GNG7: variants seen among roughly 807,000 people sequenced by gnomAD.
GNG7 encodes the protein G protein subunit gamma 7.
In GNG7, 1 loss-of-function variant was observed where a neutral mutation model predicts 4.0. That is an observed-to-expected ratio of 0.25 (90% CI 0.09 to 1.18). The LOEUF (loss-of-function observed/expected upper bound fraction) is 1.18, where lower values mean the gene tolerates loss of function less well. GNG7 is among the 50% of genes most tolerant of loss of function. GNG7 has a pLI of 0.50. For missense variants in GNG7, 86 were observed against 91.9 expected (o/e 0.94, Z 0.26); for synonymous variants, 34 against 36.9 (o/e 0.92, Z 0.29).
chr19:2,548,633 A>G (rs889296162), intron 3 of GNG7, among the ~76,000 whole-genome samples: 5 of 151,490 alleles, frequency 3.3e-5, no homozygotes, highest in Admixed American at 3.3e-4. Context: ...TACTAAAAAT[A>G]CAAAAATTAG....
chr19:2,528,208 T>C (rs891884775), intron 3 of GNG7, among the ~76,000 whole-genome samples: 5 of 140,402 alleles, frequency 3.6e-5, no homozygotes, highest in African/African-American at 1.4e-4. Context: ...GAGGTGGAGG[T>C]TGCAGTGAGC....
intron 1 of GNG7, among the ~76,000 whole-genome samples, chr19:2,667,430 A>T (rs1983338219): frequency 6.6e-6 from 1 of 152,196 alleles, no homozygotes; most frequent in Non-Finnish European, 1.5e-5. Flanking sequence ...CTGTGCGTGA[A>T]TACCTCACCT....
intron 2 of GNG7, among the ~76,000 whole-genome samples, chr19:2,581,789 T>G (rs1347698146): frequency 1.3e-5 from 2 of 152,192 alleles, no homozygotes; most frequent in Non-Finnish European, 2.9e-5. Flanking sequence ...GGCACAACTT[T>G]GTGGAATAAA....
At chr19:2,558,743 T>C (rs57269591) in intron 2 of GNG7, among the ~76,000 whole-genome samples, 70,134 of 151,568 alleles carry the variant, frequency 0.46, 16,402 homozygotes, top group African/African-American at 0.48. Flanking sequence ...CTTTCTTCCT[T>C]CCTTTCCTTC....
At chr19:2,547,565 C>T (rs1290232864) in intron 3 of GNG7, among the ~76,000 whole-genome samples, 1 of 152,186 alleles carries the variant, frequency 6.6e-6, no homozygotes, top group East Asian at 1.9e-4. Flanking sequence ...TGGTCCTTCA[C>T]TCAATCCCAC....
At chr19:2,657,345 AAAAAAAAAAAAAAAAAATAT>A (rs1380673222) in intron 1 of GNG7, among the ~76,000 whole-genome samples, 2,156 of 18,222 alleles carry the variant, frequency 0.12, 203 homozygotes, top group South Asian at 0.3. Context: ...ATTAAAAAAA[AAAAAAAAAAAAAAAAAATAT>A]ATATATATAT....
chr19:2,544,958 G>A (rs73921336), intron 3 of GNG7, among the ~76,000 whole-genome samples: 37,766 of 152,186 alleles, frequency 0.25, 5,312 homozygotes, highest in East Asian at 0.44. Flanking sequence ...ACTAGAATAA[G>A]CTCCCAACGG....
intron 2 of GNG7, among the ~76,000 whole-genome samples, chr19:2,563,862 AAC>A (rs1979820669): frequency 6.6e-6 from 1 of 152,088 alleles, no homozygotes; most frequent in Non-Finnish European, 1.5e-5. Flanking sequence ...GAGTTATTTA[AAC>A]CTTCGCACCC....
At chr19:2,689,615 T>C (rs1599463667) in intron 1 of GNG7, among the ~76,000 whole-genome samples, 2 of 87,494 alleles carry the variant, frequency 2.3e-5, no homozygotes, top group East Asian at 3.9e-4. Context: ...AGAGTGAGAC[T>C]CCAACTCAAA....
chr19:2,554,559 A>G (rs113003368), intron 3 of GNG7, among the ~76,000 whole-genome samples: 1 of 130,116 alleles, frequency 7.7e-6, no homozygotes, highest in Non-Finnish European at 1.7e-5. Context: ...ATATATATAT[A>G]TTTTTTTTTT....
intron 2 of GNG7, among the ~76,000 whole-genome samples, chr19:2,600,719 A>G (rs2907920): frequency 0.72 from 108,596 of 151,300 alleles, 39,032 homozygotes; most frequent in Middle Eastern, 0.77. Flanking sequence ...CAGGTGATCC[A>G]CCCACCTTGA....
intron 2 of GNG7, chr19:2,610,932 C>A (rs1055914333): frequency 1.6e-5 from 2 of 128,478 alleles, no homozygotes; most frequent in African/African-American, 6.0e-5. Flanking sequence ...AAACTTGACA[C>A]TTTCAGTTCC....
chr19:2,591,936 C>T (rs1329754227), intron 2 of GNG7, among the ~76,000 whole-genome samples: 5 of 152,134 alleles, frequency 3.3e-5, no homozygotes, highest in African/African-American at 1.2e-4. Context: ...AGTTGATAAC[C>T]ATTATGGCAA....
At chr19:2,605,654 C>T (rs1981357937) in intron 2 of GNG7, among the ~76,000 whole-genome samples, 1 of 151,592 alleles carries the variant, frequency 6.6e-6, no homozygotes, top group Admixed American at 6.6e-5. Context: ...GCTGGGATTA[C>T]AGGCATGCGC....
chr19:2,553,932 G>A (rs970679795), intron 3 of GNG7, among the ~76,000 whole-genome samples: 5 of 135,668 alleles, frequency 3.7e-5, no homozygotes, highest in African/African-American at 1.1e-4. Flanking sequence ...GTAATATATT[G>A]TATGTAATAT....
At chr19:2,651,700 G>A (rs1358011229) in intron 1 of GNG7, among the ~76,000 whole-genome samples, 1 of 150,184 alleles carries the variant, frequency 6.7e-6, no homozygotes, top group Non-Finnish European at 1.5e-5. Flanking sequence ...CAAGTAGCTG[G>A]GATTACAGGT....
intron 1 of GNG7, among the ~76,000 whole-genome samples, chr19:2,655,085 G>A (rs909078238): frequency 2.6e-5 from 4 of 151,722 alleles, no homozygotes; most frequent in Non-Finnish European, 4.4e-5. Context: ...AGTTACTCAG[G>A]AGGCTGAGAT....
chr19:2,559,127 A>AATAT (rs61026682), intron 2 of GNG7, among the ~76,000 whole-genome samples: 12,721 of 151,144 alleles, frequency 0.084, 755 homozygotes, highest in African/African-American at 0.16. Context: ...AGTCACAAAG[A>AATAT]ATATATATAT....
intron 3 of GNG7, among the ~76,000 whole-genome samples, chr19:2,534,041 A>T (rs1339474715): frequency 6.6e-6 from 1 of 152,220 alleles, no homozygotes; most frequent in African/African-American, 2.4e-5. Context: ...TTCCAGTGAT[A>T]GGAGTTATAA....
Sources: gnomAD v4.1 joint callset for allele counts (sites outside exome capture counted in the v4.1 genomes callset) on GRCh38, gnomAD v4.1.1 for gene constraint, MANE v1.5 for transcripts, NCBI Gene and HGNC (gene_info 2026-07-23, HGNC 2026-07-21) for gene names.